Variants in COL8A1 observed in about 807,000 individuals in gnomAD.
COL8A1 encodes the protein collagen alpha-1(VIII) chain.
In COL8A1, 21 loss-of-function variants were observed where a neutral mutation model predicts 42.7. The ratio of observed to expected loss-of-function variants is 0.49; its 90% CI spans 0.35 to 0.71. The LOEUF is 0.71. Ranked by LOEUF, COL8A1 falls within the 30% of genes least tolerant of loss-of-function variation. The probability of loss-of-function intolerance (pLI) is 0.01; values close to 1 mark genes in which losing one functional copy is unlikely to be tolerated. For synonymous variants in COL8A1, 367 were observed against 369.1 expected (o/e 0.99, Z 0.06); for missense variants, 788 against 962.4 (o/e 0.82, Z 2.40).
At chr3:99,766,995 T>C (rs1407365441) in intron 2 of COL8A1, among the ~76,000 whole-genome samples, 1 of 151,962 alleles carries the variant, frequency 6.6e-6, no homozygotes, top group East Asian at 1.9e-4. Flanking sequence ...ACTCTCATGA[T>C]ATTGCATCAC....
chr3:99,763,504 C>T (rs1461828667), intron 2 of COL8A1, among the ~76,000 whole-genome samples: 2 of 152,104 alleles, frequency 1.3e-5, no homozygotes, highest in African/African-American at 2.4e-5. Context: ...TCATGCCGGA[C>T]ATCATTCTAA....
chr3:99,714,176 C>T (rs1008340349), intron 1 of COL8A1, among the ~76,000 whole-genome samples: 2 of 152,056 alleles, frequency 1.3e-5, no homozygotes, highest in Non-Finnish European at 2.9e-5. Context: ...CAGAGTCCAC[C>T]ACCACACAAT....
chr3:99,770,546 C>T (rs368058592), intron 2 of COL8A1, among the ~76,000 whole-genome samples: 8 of 152,234 alleles, frequency 5.3e-5, no homozygotes, highest in African/African-American at 1.9e-4. Context: ...AAGTAAATGA[C>T]AGCCAGTGAA....
chr3:99,666,165 G>T lies in COL8A1; in HGVS notation c.-129+27501G>T, dbSNP rs117662426. 3.2e-4 allele frequency among the ~76,000 whole-genome samples: 48 copies of T among 152,196 alleles called. 1 individual carries two copies. The East Asian group carries it at 9.1e-3, about 29-fold the overall frequency. On this transcript the variant is annotated intron_variant, in intron 1 of 3. Transcript: ENST00000652472. ...AAACCCCACTCTGAACCTTCACAAG[G>T]TTCTTGGCTGCATGGCTTCCAAGGT... is the stretch of plus-strand genomic sequence containing the variant.
chr3:99,760,208 C>G (rs1346877426), intron 2 of COL8A1, among the ~76,000 whole-genome samples: 1 of 152,104 alleles, frequency 6.6e-6, no homozygotes, highest in East Asian at 1.9e-4. Context: ...TTGGCCAGAC[C>G]TGGGTTGGCT....
chr3:99,752,306 A>G (rs1356016084), intron 2 of COL8A1, among the ~76,000 whole-genome samples: 3 of 152,172 alleles, frequency 2.0e-5, no homozygotes, highest in Non-Finnish European at 4.4e-5. Flanking sequence ...TAGATATAAA[A>G]TGGTTAGTAC....
intron 2 of COL8A1, among the ~76,000 whole-genome samples, chr3:99,772,447 T>C (rs1314853395): frequency 6.6e-6 from 1 of 152,078 alleles, no homozygotes; most frequent in African/African-American, 2.4e-5. Flanking sequence ...TAATGTAAAA[T>C]GGACTTTGGG....
chr3:99,731,704 T>G (rs1485144789), intron 1 of COL8A1, among the ~76,000 whole-genome samples: 1 of 152,122 alleles, frequency 6.6e-6, no homozygotes, highest in Non-Finnish European at 1.5e-5. Context: ...CTGACTCATT[T>G]GTTTTGGTTT....
At chr3:99,793,345 C>T (rs549851143) in intron 3 of COL8A1, among the ~76,000 whole-genome samples, 14 of 152,030 alleles carry the variant, frequency 9.2e-5, no homozygotes, top group African/African-American at 3.1e-4. Flanking sequence ...TTTAATTATT[C>T]CACATTGTAT....
chr3:99,669,156 G>T (rs1391910794), intron 1 of COL8A1, among the ~76,000 whole-genome samples: 45 of 136,396 alleles, frequency 3.3e-4, no homozygotes, highest in East Asian at 8.7e-4. Flanking sequence ...TAGAGGGAGA[G>T]AGAGAGAGAG....
chr3:99,734,987 T>C (rs1367028684), intron 1 of COL8A1, among the ~76,000 whole-genome samples: 1 of 152,090 alleles, frequency 6.6e-6, no homozygotes, highest in Non-Finnish European at 1.5e-5. Context: ...TTGTGATTTT[T>C]GTACATTGAT....
chr3:99,660,926 T>G (rs1414552090), intron 1 of COL8A1, among the ~76,000 whole-genome samples: 6 of 152,196 alleles, frequency 3.9e-5, no homozygotes, highest in Non-Finnish European at 7.3e-5. Context: ...TTTCAATGTC[T>G]ATGTCAATTT....
chr3:99,722,805 G>A (rs35495890), intron 1 of COL8A1, among the ~76,000 whole-genome samples: 26,828 of 151,890 alleles, frequency 0.18, 2,481 homozygotes, highest in South Asian at 0.23. Flanking sequence ...CCCATTCCAA[G>A]GAAGCATAAA....
At chr3:99,761,130 C>T (rs1941357533) in intron 2 of COL8A1, among the ~76,000 whole-genome samples, 1 of 152,012 alleles carries the variant, frequency 6.6e-6, no homozygotes, top group Admixed American at 6.6e-5. Flanking sequence ...TATATAGAAA[C>T]AATGATTGAA....
At chr3:99,668,074 A>C (rs567468082) in intron 1 of COL8A1, among the ~76,000 whole-genome samples, 14 of 152,288 alleles carry the variant, frequency 9.2e-5, no homozygotes, top group Admixed American at 2.6e-4. Flanking sequence ...AAGGGAAGAA[A>C]TATTTGAAAA....
In COL8A1 at chr3:99,754,342, A is replaced by G. The variant is rs371981393; in HGVS notation, c.-4+9321A>G. The stretch of plus-strand genomic sequence containing the variant: ...AAAATGTGGTTTAGGGGTTCTGTAA[A>G]GTCAGATTAAATTTTAGAGTAGCTG... On this transcript the variant is annotated intron_variant, in intron 2 of 3. Coordinates refer to ENST00000652472, the MANE Select transcript of COL8A1 (RefSeq NM_020351.4). Among the ~76,000 whole-genome samples, 9 of 152,318 alleles carry G rather than the reference A, an allele frequency of 5.9e-5. No individual in the cohort carries two copies. In the East Asian group the frequency reaches 1.7e-3, roughly 29 times the overall value.
chr3:99,645,484 A>T (rs1937624553), intron 1 of COL8A1, among the ~76,000 whole-genome samples: 2 of 152,140 alleles, frequency 1.3e-5, no homozygotes, highest in South Asian at 4.1e-4. Context: ...TCCAGCCCCC[A>T]GTTAATTACA....
At chr3:99,775,794 T>C (rs1020958587) in intron 2 of COL8A1, among the ~76,000 whole-genome samples, 8 of 152,194 alleles carry the variant, frequency 5.3e-5, no homozygotes, top group Non-Finnish European at 7.3e-5. Flanking sequence ...TTCTCCATTA[T>C]AGATCAATCA....
At chr3:99,652,653 A>C (rs1010710101) in intron 1 of COL8A1, among the ~76,000 whole-genome samples, 1 of 152,222 alleles carries the variant, frequency 6.6e-6, no homozygotes, top group Non-Finnish European at 1.5e-5. Flanking sequence ...TGCTTAGGGA[A>C]AAGTGATTGA....
Sources: gnomAD v4.1 joint callset for allele counts (sites outside exome capture counted in the v4.1 genomes callset) on GRCh38, gnomAD v4.1.1 for gene constraint, MANE v1.5 for transcripts, NCBI Gene and HGNC (gene_info 2026-07-23, HGNC 2026-07-21) for gene names.